Variants in COL24A1 observed in about 807,000 individuals in gnomAD.
COL24A1 encodes collagen alpha-1(XXIV) chain.
Under a neutral mutation model 253.9 loss-of-function variants are expected in COL24A1, and 224 were observed. The observed-to-expected ratio is 0.88, with a 90% CI of 0.79 to 0.99. The LOEUF (loss-of-function observed/expected upper bound fraction) is 0.99, where lower values mean the gene tolerates loss of function less well. Ranked by LOEUF, COL24A1 falls within the 50% of genes least tolerant of loss-of-function variation. COL24A1 has a pLI of 0.00. For missense variants in COL24A1, 2,131 were observed against 2,068.5 expected, an observed-to-expected ratio of 1.03 and a Z score of -0.59; for synonymous variants, 685 against 673.7, an observed-to-expected ratio of 1.02 and a Z score of -0.26.
chr1:86,007,293 A>C (rs1571575502), intron 19 of COL24A1, among the ~76,000 whole-genome samples: 2 of 152,280 alleles, frequency 1.3e-5, no homozygotes, highest in East Asian at 3.9e-4. Context: ...CACACTCACT[A>C]AAATGGCCAA....
chr1:85,797,162 G>A (rs1445752668), intron 47 of COL24A1, among the ~76,000 whole-genome samples: 8 of 132,112 alleles, frequency 6.1e-5, no homozygotes, highest in South Asian at 2.3e-4. Context: ...AGCTGAGATC[G>A]CAACTACTGC....
rs1341150109 is a variant in COL24A1 at position 85,928,484 on chromosome 1, T to C, written c.2563-17051A>G. Among the ~76,000 whole-genome samples the C allele has an allele frequency of 2.2e-4, 12 of 53,650 alleles. 4 individuals carry two copies. Among genetic ancestry groups the C allele is most frequent in the Non-Finnish European group, 4.2e-4 (12 of 28,292 alleles). 35.2% of individuals were successfully genotyped at this position (53,650 alleles called of 152,430 possible). On this transcript the variant is annotated intron_variant, in intron 24 of 59. Transcript: ENST00000370571. ...GTGTACCTGAAAGTGATGTGGAGAA[T>C]GGAACCAAGTTGGAAAACACTCTGC...
At chr1:85,898,876 A>G (rs1684017929) in intron 28 of COL24A1, among the ~76,000 whole-genome samples, 1 of 152,220 alleles carries the variant, frequency 6.6e-6, no homozygotes, top group African/African-American at 2.4e-5. Context: ...AAGTCTCTCT[A>G]AAGTGACATG....
intron 37 of COL24A1, among the ~76,000 whole-genome samples, chr1:85,863,770 C>A (rs979146509): frequency 2.6e-5 from 4 of 152,152 alleles, no homozygotes; most frequent in Non-Finnish European, 5.9e-5. Flanking sequence ...AAGAAGACAT[C>A]TATGCAGCCA....
chr1:86,046,374 C>T (rs941085255), intron 12 of COL24A1, among the ~76,000 whole-genome samples: 1 of 152,070 alleles, frequency 6.6e-6, no homozygotes, highest in African/African-American at 2.4e-5. Flanking sequence ...ATTCACTTTC[C>T]TGGATTTTTT....
chr1:85,919,908 C>T (rs997462293), intron 24 of COL24A1, among the ~76,000 whole-genome samples: 1 of 152,176 alleles, frequency 6.6e-6, no homozygotes, highest in Admixed American at 6.5e-5. Context: ...AATTGAAAAA[C>T]TGTGAAATCT....
At chr1:86,060,945 G>T (rs554252548) in intron 8 of COL24A1, among the ~76,000 whole-genome samples, 1 of 151,212 alleles carries the variant, frequency 6.6e-6, no homozygotes, top group South Asian at 2.1e-4. Flanking sequence ...CTTATCATGG[G>T]CCAGGCACTA....
Position 85,841,267 on chromosome 1 carries a change from T to C in COL24A1, c.3582A>G (p.Gly1194=). 2 of 1,596,800 alleles carry C rather than the reference T, an allele frequency of 1.3e-6. No individual in the cohort carries two copies. Among genetic ancestry groups the C allele is most frequent in the South Asian group, 2.3e-5 (2 of 87,762 alleles). Residue 1194 remains glycine (G), a synonymous_variant, in exon 42 of 60, where the codon GGA becomes GGG. Transcript: ENST00000370571. ...GTGGTCCTAGGACTGTGCTATCTTC[T>C]CCTGGGTAGCCCTAAAATGAAATAA... ...PGPKGEKGYP[G]EDSTVLGPPG... is the part of the protein sequence containing the mutation.
At chr1:85,816,658 C>T in intron 47 of COL24A1, 130 bp downstream of exon 47, 2 of 712,608 alleles carry the variant, frequency 2.8e-6, no homozygotes, top group East Asian at 5.0e-5. Context: ...TGCATAATAG[C>T]TATTAGAGAA....
Position 86,125,751 on chromosome 1 carries a change from C to G in COL24A1, c.585G>C (p.Gln195His). The change falls in exon 3 of 60, where the codon CAG becomes CAC. Residue 195 changes from glutamine (Q) to histidine (H), a missense_variant. By Grantham distance (24) the Gln-to-His change is conservative (BLOSUM62 0). Coordinates refer to ENST00000370571, the MANE Select transcript of COL24A1 (RefSeq NM_152890.7). ...YFSTETIPEV[Q>H]TFDSNSVFTL... ...TAAACACACTATTAGAATCAAAGGT[C>G]TGAACTTCTGGAATAGTCTCTGTGC... The G allele has an allele frequency of 6.2e-7, 1 of 1,611,486 alleles. No homozygotes were observed. Among genetic ancestry groups the G allele is most frequent in the Non-Finnish European group, 8.5e-7 (1 of 1,179,020 alleles).
chr1:86,049,384 A>G (rs2101669219), intron 11 of COL24A1, among the ~76,000 whole-genome samples: 1 of 152,314 alleles, frequency 6.6e-6, no homozygotes, highest in Non-Finnish European at 1.5e-5. Flanking sequence ...CATTTGCAAA[A>G]ATCACTTGCC....
chr1:85,792,145 TATATGA>T (rs1670338547), intron 47 of COL24A1, among the ~76,000 whole-genome samples: 1 of 152,148 alleles, frequency 6.6e-6, no homozygotes, highest in Non-Finnish European at 1.5e-5. Flanking sequence ...TATTCATATT[TATATGA>T]ATATTTACAG....
intron 53 of COL24A1, among the ~76,000 whole-genome samples, chr1:85,774,905 T>C (rs1307148052): frequency 6.6e-6 from 1 of 152,200 alleles, no homozygotes; most frequent in Non-Finnish European, 1.5e-5. Context: ...CTTCTTGCCT[T>C]CTGCTAGCTT....
intron 11 of COL24A1, among the ~76,000 whole-genome samples, chr1:86,047,611 C>A (rs6674872): frequency 6.6e-6 from 1 of 151,726 alleles, no homozygotes; most frequent in South Asian, 2.1e-4. Context: ...TGTATATATA[C>A]ACACATATAT....
intron 24 of COL24A1, among the ~76,000 whole-genome samples, chr1:85,954,879 T>C (rs1690270972): frequency 6.6e-6 from 1 of 152,224 alleles, no homozygotes; most frequent in African/African-American, 2.4e-5. Flanking sequence ...ATACTACAGT[T>C]CTTCCTGCAT....
At chr1:85,805,926 A>G (rs1361414595) in intron 47 of COL24A1, among the ~76,000 whole-genome samples, 1 of 152,100 alleles carries the variant, frequency 6.6e-6, no homozygotes, top group Non-Finnish European at 1.5e-5. Context: ...ATACAAAAAA[A>G]TTAGCTGAGC....
intron 3 of COL24A1, among the ~76,000 whole-genome samples, chr1:86,116,055 C>T (rs1706105484): frequency 6.6e-6 from 1 of 152,092 alleles, no homozygotes; most frequent in Non-Finnish European, 1.5e-5. Flanking sequence ...TTTACTTCTC[C>T]ATATAATGTT....
chr1:86,027,384 G>C (rs1279569586), intron 14 of COL24A1, among the ~76,000 whole-genome samples: 1 of 152,132 alleles, frequency 6.6e-6, no homozygotes, highest in African/African-American at 2.4e-5. Flanking sequence ...AGAAAAAAAA[G>C]GTTTTTGGGC....
chr1:85,783,858 A>G (rs900889580), intron 50 of COL24A1, among the ~76,000 whole-genome samples: 1 of 152,172 alleles, frequency 6.6e-6, no homozygotes, highest in African/African-American at 2.4e-5. Flanking sequence ...ACATTGCTGT[A>G]TGTTTGAAAA....
Sources: allele counts gnomAD v4.1 joint callset (sites outside exome capture counted in the v4.1 genomes callset), GRCh38; gene constraint gnomAD v4.1.1; transcripts MANE v1.5; gene names NCBI Gene and HGNC (gene_info 2026-07-23, HGNC 2026-07-21).